The following SLC26A7 variants were observed in gnomAD, a reference collection of about 807,000 sequenced individuals.
The protein encoded by SLC26A7 is solute carrier family 26 member 7, also known as anion exchange transporter.
Under a neutral mutation model 82.5 loss-of-function variants are expected in SLC26A7, and 59 were observed. The ratio of observed to expected loss-of-function variants is 0.72; its 90% CI spans 0.58 to 0.89. SLC26A7 has a LOEUF of 0.89. Among genes scored for constraint, SLC26A7 ranks in the 40% least tolerant of loss-of-function variants. The pLI, the probability that SLC26A7 is intolerant of heterozygous loss-of-function variation, is 0.00. For synonymous variants in SLC26A7, 271 were observed against 274.3 expected, an observed-to-expected ratio of 0.99 and a Z score of 0.12; for missense variants, 820 against 793.0, an observed-to-expected ratio of 1.03 and a Z score of -0.41.
intron 5 of SLC26A7, among the ~76,000 whole-genome samples, chr8:91,323,452 A>C (rs753181867): frequency 3.3e-5 from 5 of 152,194 alleles, no homozygotes; most frequent in Non-Finnish European, 5.9e-5. Context: ...TCCAGTGCTC[A>C]AGTAATTCAA....
intron 15 of SLC26A7, among the ~76,000 whole-genome samples, chr8:91,386,380 G>A (rs113009552): frequency 4.6e-5 from 7 of 151,786 alleles, no homozygotes; most frequent in Middle Eastern, 3.4e-3. Flanking sequence ...TTTTTTCTAC[G>A]GAAATTTTTG....
intron 14 of SLC26A7, 128 bp downstream of exon 14, chr8:91,366,845 ATGATTATT>A (rs1179248341): frequency 2.9e-6 from 3 of 1,048,124 alleles, no homozygotes; most frequent in Admixed American, 2.6e-5. Flanking sequence ...AGCAAAACCT[ATGATTATT>A]TGATTATTTT....
Position 91,359,448 on chromosome 8 carries a change from G to A in SLC26A7, c.1315-2905G>A, listed in dbSNP as rs1813983754. 3.9e-5 allele frequency among the ~76,000 whole-genome samples: 6 copies of A among 152,304 alleles called. No individual in the cohort carries two copies. The South Asian group carries it at 1.2e-3, about 32-fold the overall frequency. Reference sequence around the variant, plus strand: ...ATTTGGACATGTTAAGTTTCAAGGTGTTTGATAGCTGAAAAATTGCTTAAG... The same window carrying A: ...ATTTGGACATGTTAAGTTTCAAGGTATTTGATAGCTGAAAAATTGCTTAAG... On this transcript the variant is annotated intron_variant, in intron 11 of 18. Transcript: ENST00000276609.
At chr8:91,346,176 C>T (rs1813557997) in intron 9 of SLC26A7, among the ~76,000 whole-genome samples, 1 of 152,138 alleles carries the variant, frequency 6.6e-6, no homozygotes, top group South Asian at 2.1e-4. Flanking sequence ...TCATGCTCCT[C>T]TGCTTGTTGA....
chr8:91,307,332 A>C (rs1373039006), intron 4 of SLC26A7, among the ~76,000 whole-genome samples: 2 of 132,814 alleles, frequency 1.5e-5, no homozygotes, highest in Non-Finnish European at 3.2e-5. Flanking sequence ...TCATGCTGCT[A>C]TAAAGACACA....
chr8:91,354,183 A>G (rs1325335682), intron 11 of SLC26A7, among the ~76,000 whole-genome samples: 2 of 152,264 alleles, frequency 1.3e-5, no homozygotes, highest in East Asian at 3.9e-4. Context: ...AAGCTACTTG[A>G]TAACCCTATG....
chr8:91,301,986 T>G (rs569195518), intron 4 of SLC26A7, among the ~76,000 whole-genome samples: 6 of 152,188 alleles, frequency 3.9e-5, no homozygotes, highest in Admixed American at 6.5e-5. Context: ...GAAGAGTTTT[T>G]AATTTTAGGT....
intron 9 of SLC26A7, chr8:91,343,835 G>C (rs1813486857): frequency 3.2e-6 from 1 of 307,878 alleles, no homozygotes; most frequent in Non-Finnish European, 4.7e-6. Flanking sequence ...ATATGAAAAA[G>C]AAATCAATCT....
Position 91,215,121 on chromosome 8 carries a change from A to C in SLC26A7, c.-149-3769A>C, listed in dbSNP as rs140202237. On this transcript the variant is annotated intron_variant, in intron 1 of 5. Transcript: ENST00000522862. ...CTAGGTAGTCCAGGGTAACTTCCTT[A>C]TCTCAAGGTCCTTAATTTAACCCAA... 1.1e-3 allele frequency among the ~76,000 whole-genome samples: 160 copies of C among 152,134 alleles called. 2 individuals carry two copies. In the East Asian group the frequency reaches 0.026, roughly 25 times the overall value.
chr8:91,352,863 T>G (rs540213738), intron 10 of SLC26A7, 38 bp from the exon 11 acceptor site: 2 of 1,526,434 alleles, frequency 1.3e-6, no homozygotes, highest in Middle Eastern at 1.8e-4. Context: ...GTTAAAATTT[T>G]TATGTTGCTT....
intron 2 of SLC26A7, among the ~76,000 whole-genome samples, chr8:91,238,450 G>A (rs1422345100): frequency 6.6e-6 from 1 of 151,522 alleles, no homozygotes; most frequent in African/African-American, 2.4e-5. Flanking sequence ...CTTTATTGAT[G>A]TATATGATAT....
At chr8:91,298,167 A>G (rs1359704016) in intron 4 of SLC26A7, among the ~76,000 whole-genome samples, 1 of 152,168 alleles carries the variant, frequency 6.6e-6, no homozygotes, top group Non-Finnish European at 1.5e-5. Context: ...TAAGGGCTCC[A>G]TGACTTATTA....
chr8:91,392,968 C>A (rs1808444249), intron 16 of SLC26A7, among the ~76,000 whole-genome samples: 1 of 152,100 alleles, frequency 6.6e-6, no homozygotes, highest in Non-Finnish European at 1.5e-5. Flanking sequence ...AATATATCTC[C>A]CATTATTTCA....
chr8:91,395,109 C>T lies in SLC26A7; in HGVS notation c.*12C>T. The T allele has an allele frequency of 5.0e-6, 8 of 1,613,318 alleles. No homozygotes were observed. The highest frequency in any genetic ancestry group is 6.8e-6 in the Non-Finnish European group (8 of 1,179,354). ...ACAGTGAAGTCTGAGACCCTTTTGT[C>T]ACAGTACAGCTCTTGTCTTTACCAA... is the stretch of plus-strand genomic sequence containing the variant. On this transcript the variant is annotated 3_prime_UTR_variant, in exon 19 of 19. Coordinates refer to ENST00000276609, the MANE Select transcript of SLC26A7 (RefSeq NM_052832.4).
chr8:91,377,717 T>A lies in SLC26A7; in HGVS notation c.1675+7884T>A, dbSNP rs967953939. On this transcript the variant is annotated intron_variant, in intron 15 of 18. Transcript: ENST00000276609. ...CCTAAGAGTTTGGTGGTCTGCAGAT[T>A]GTCGATTGTCACAGGGGTGAGGGGA... is the stretch of plus-strand genomic sequence containing the variant. Among the ~76,000 whole-genome samples, 11 of 152,122 alleles carry A rather than the reference T, an allele frequency of 7.2e-5. No homozygotes were observed. The East Asian group carries it at 2.1e-3, about 29-fold the overall frequency.
In SLC26A7 at chr8:91,249,361, G is replaced by GA. The variant is rs576435619; in HGVS notation, c.-159dup. 1.2e-4 allele frequency: 26 copies of GA among 221,230 alleles called. No individual in the cohort carries two copies. The highest frequency in any genetic ancestry group is 1.9e-4 in the Non-Finnish European group (22 of 114,250). 13.7% of individuals were successfully genotyped at this position (221,230 alleles called of 1,614,324 possible). A position where few individuals can be genotyped will look rare whatever the true frequency, so the allele number is the denominator to read the frequency against. ...TGAACCCATTACTTTTCCAAGACCA[G>GA]AAAAAAATATTACATGAACAGGAAC... is the stretch of plus-strand genomic sequence containing the variant. On this transcript the variant is annotated 5_prime_UTR_variant, in exon 1 of 19. Transcript: ENST00000276609.
intron 15 of SLC26A7, among the ~76,000 whole-genome samples, chr8:91,375,269 T>C (rs6993624): frequency 0.23 from 34,985 of 152,028 alleles, 5,260 homozygotes; most frequent in African/African-American, 0.43. Context: ...AGGTTTTGTT[T>C]CTGTCATAGT....
chr8:91,215,738 C>G (rs1210410488), intron 1 of SLC26A7, among the ~76,000 whole-genome samples: 1 of 152,134 alleles, frequency 6.6e-6, no homozygotes, highest in East Asian at 1.9e-4. Context: ...GCTTTGATCT[C>G]TATCTATAAA....
At chr8:91,332,440 T>A (rs1302326344) in intron 5 of SLC26A7, among the ~76,000 whole-genome samples, 2 of 140,892 alleles carry the variant, frequency 1.4e-5, no homozygotes, top group African/African-American at 5.2e-5. Flanking sequence ...TATATTTAAT[T>A]AATATATATT....
Sources: allele counts gnomAD v4.1 joint callset (sites outside exome capture counted in the v4.1 genomes callset), GRCh38; gene constraint gnomAD v4.1.1; transcripts MANE v1.5; gene names NCBI Gene and HGNC (gene_info 2026-07-23, HGNC 2026-07-21).